Variants in MCCC1 observed in about 807,000 individuals in gnomAD.
MCCC1 encodes the protein methylcrotonyl-CoA carboxylase subunit 1.
In MCCC1, 64 loss-of-function variants were observed where a neutral mutation model predicts 83.8. The observed-to-expected ratio is 0.76, with a 90% CI of 0.62 to 0.94. The LOEUF (loss-of-function observed/expected upper bound fraction) is 0.94, where lower values mean the gene tolerates loss of function less well. Ranked by LOEUF, MCCC1 falls within the 40% of genes least tolerant of loss-of-function variation. The pLI is 0.00. For missense variants in MCCC1, 807 were observed against 904.7 expected (o/e 0.89, Z 1.39); for synonymous variants, 322 against 315.4 (o/e 1.02, Z -0.22).
intron 9 of MCCC1, among the ~76,000 whole-genome samples, chr3:183,048,585 A>G (rs978875083): frequency 1.3e-5 from 2 of 152,252 alleles, no homozygotes; most frequent in Admixed American, 6.5e-5. Context: ...CTAACAACAG[A>G]GCATAAAATA....
intron 16 of MCCC1, among the ~76,000 whole-genome samples, chr3:183,020,774 T>G (rs1461750199): frequency 6.6e-6 from 1 of 152,176 alleles, no homozygotes; most frequent in African/African-American, 2.4e-5. Context: ...TATTAAAAGA[T>G]TTAGGCTGGG....
chr3:183,043,585 C>T (rs933400717), intron 10 of MCCC1, among the ~76,000 whole-genome samples: 1 of 152,216 alleles, frequency 6.6e-6, no homozygotes, highest in Non-Finnish European at 1.5e-5. Context: ...CGAGCTTAGA[C>T]TCTTGACTCA....
chr3:183,102,900 G>C (rs1370749224), upstream of MCCC1, among the ~76,000 whole-genome samples: 1 of 147,448 alleles, frequency 6.8e-6, no homozygotes, highest in Non-Finnish European at 1.5e-5. Flanking sequence ...GATTCTCATG[G>C]CTCAGCCTCC....
At chr3:183,052,937 A>G (rs1330155490) in intron 8 of MCCC1, among the ~76,000 whole-genome samples, 3 of 75,032 alleles carry the variant, frequency 4.0e-5, no homozygotes, top group Non-Finnish European at 8.7e-5. Context: ...TTTAAAGTGT[A>G]TCCCTTTTAC....
chr3:183,029,061 TA>T (rs1448435171), intron 14 of MCCC1: 8 of 152,218 alleles, frequency 5.3e-5, no homozygotes, highest in African/African-American at 1.7e-4. Context: ...ATAACTTTTA[TA>T]TGCATGAGGA....
At chr3:183,059,750 A>T (rs979945612) in intron 7 of MCCC1, among the ~76,000 whole-genome samples, 1 of 152,158 alleles carries the variant, frequency 6.6e-6, no homozygotes, top group Non-Finnish European at 1.5e-5. Context: ...TCTCCTTCAT[A>T]CTTGAAGCAT....
chr3:183,034,172 C>T, intron 13 of MCCC1, 95 bp from the exon 14 acceptor site: 14 of 888,744 alleles, frequency 1.6e-5, no homozygotes, highest in Middle Eastern at 3.3e-4. Context: ...AAGTGCTGGC[C>T]GGGCACAGTG....
chr3:183,039,240 A>G (rs1315953176), intron 11 of MCCC1, 105 bp from the exon 12 acceptor site: 37 of 1,051,482 alleles, frequency 3.5e-5, no homozygotes, highest in Non-Finnish European at 5.2e-5. Flanking sequence ...ATCCTCATAA[A>G]CCCCTGCATG....
chr3:183,103,456 A>G (rs1010111154), upstream of MCCC1, among the ~76,000 whole-genome samples: 1 of 151,952 alleles, frequency 6.6e-6, no homozygotes, highest in Non-Finnish European at 1.5e-5. Flanking sequence ...CAGCCTGGAG[A>G]CGTGGAGATT....
At chr3:183,101,470 A>G (rs894539327), upstream of MCCC1, among the ~76,000 whole-genome samples, 2 of 152,080 alleles carry the variant, frequency 1.3e-5, no homozygotes, top group African/African-American at 4.8e-5. Flanking sequence ...ACCAATCGAC[A>G]CTCTGTATCT....
chr3:183,070,900 C>A (rs1716618861), intron 7 of MCCC1, 99 bp downstream of exon 7: 1 of 1,329,212 alleles, frequency 7.5e-7, no homozygotes, highest in Non-Finnish European at 1.1e-6. Context: ...TAATAATATA[C>A]TTATATACTA....
At chr3:183,034,477 A>AAC (rs1560216307) in intron 13 of MCCC1, among the ~76,000 whole-genome samples, 5 of 150,984 alleles carry the variant, frequency 3.3e-5, no homozygotes, top group Admixed American at 6.6e-5. Context: ...AAACAAAAAA[A>AAC]CACACGTCCT....
At chr3:183,092,344 G>T in intron 3 of MCCC1, 65 bp downstream of exon 3, 2 of 1,604,822 alleles carry the variant, frequency 1.2e-6, no homozygotes, top group Non-Finnish European at 1.7e-6. Context: ...TCATCATAAA[G>T]AACGAAAATA....
chr3:183,071,087 G>T lies in MCCC1; in HGVS notation c.673C>A (p.Gln225Lys). Residue 225 changes from glutamine (Q) to lysine (K), a missense_variant, in exon 7 of 19, where the codon CAA becomes AAA. Coordinates refer to ENST00000265594, the MANE Select transcript of MCCC1 (RefSeq NM_020166.5). ...CTCCGTGCTGACTCTAACTGTTCTT[G>T]AAATTCTTGTTCTGATCTAACAATC... ...MRIVRSEQEF[Q>K]EQLESARREA... 2 of 1,614,192 alleles carry T rather than the reference G, an allele frequency of 1.2e-6. No individual in the cohort carries two copies. Among genetic ancestry groups the T allele is most frequent in the Non-Finnish European group, 1.7e-6 (2 of 1,180,030 alleles).
At chr3:183,109,472 G>A (rs980353839) in intron 1 of MCCC1, among the ~76,000 whole-genome samples, 14 of 152,118 alleles carry the variant, frequency 9.2e-5, no homozygotes, top group African/African-American at 3.1e-4. Context: ...TGTATTGAAC[G>A]TTTAGCTCCC....
At chr3:183,022,590 T>C (rs1712248816) in intron 15 of MCCC1, 36 bp from the exon 16 acceptor site, 2 of 1,504,174 alleles carry the variant, frequency 1.3e-6, no homozygotes, top group Non-Finnish European at 1.8e-6. Context: ...TTAAAATAAA[T>C]GAACAACACT....
intron 1 of MCCC1, among the ~76,000 whole-genome samples, chr3:183,112,947 C>G (rs960413116): frequency 6.6e-6 from 1 of 151,674 alleles, no homozygotes; most frequent in African/African-American, 2.4e-5. Context: ...AAAAATTGGC[C>G]GGGCACGGTG....
intron 12 of MCCC1, 26 bp from the exon 13 acceptor site, chr3:183,037,460 C>T (rs1713720847): frequency 6.4e-7 from 1 of 1,553,940 alleles, no homozygotes; most frequent in Non-Finnish European, 8.9e-7. Flanking sequence ...ACCCCCAGTT[C>T]CTGCTGAGTG....
intron 18 of MCCC1, chr3:183,016,964 A>G: frequency 2.3e-6 from 1 of 429,270 alleles, no homozygotes; most frequent in East Asian, 5.0e-5. Context: ...AACAGTTAAC[A>G]TTCAGTTGGA....
Sources: gnomAD v4.1 joint callset for allele counts (sites outside exome capture counted in the v4.1 genomes callset) on GRCh38, gnomAD v4.1.1 for gene constraint, MANE v1.5 for transcripts, NCBI Gene and HGNC (gene_info 2026-07-23, HGNC 2026-07-21) for gene names.